DNAH11: variants seen among roughly 807,000 people sequenced by gnomAD.
The protein encoded by DNAH11 is dynein axonemal heavy chain 11.
A neutral mutation model predicts 526.0 loss-of-function variants in DNAH11; 442 were observed. The ratio of observed to expected loss-of-function variants is 0.84; its 90% CI spans 0.78 to 0.91. The LOEUF is 0.91. DNAH11 is among the 40% of genes least tolerant of loss of function. The pLI, the probability that DNAH11 is intolerant of heterozygous loss-of-function variation, is 0.00. For missense variants in DNAH11, 6,989 were observed against 5,448.7 expected (o/e 1.28, Z -8.90); for synonymous variants, 2,461 against 1,935.9 (o/e 1.27, Z -7.12).
intron 74 of DNAH11, among the ~76,000 whole-genome samples, chr7:21,876,645 C>G (rs1006756232): frequency 6.6e-6 from 1 of 152,242 alleles, no homozygotes; most frequent in Non-Finnish European, 1.5e-5. Flanking sequence ...CAATCTGGCT[C>G]TTTATAGTTC....
chr7:21,842,034 A>G (rs1056664410), intron 65 of DNAH11, among the ~76,000 whole-genome samples: 7 of 152,200 alleles, frequency 4.6e-5, no homozygotes, highest in Non-Finnish European at 1.0e-4. Flanking sequence ...TATGTAGCTC[A>G]CATTTATTTC....
intron 57 of DNAH11, among the ~76,000 whole-genome samples, chr7:21,779,975 T>G (rs992997440): frequency 3.9e-5 from 6 of 152,148 alleles, no homozygotes; most frequent in African/African-American, 1.4e-4. Context: ...CCTGAAAATA[T>G]TTGAGTTTTT....
rs151173148 is a variant in DNAH11, at chr7:21,560,008, T to C, written c.882+216T>C. Reference sequence around the variant, plus strand: ...AATATTTTGACAGCATTTGAGATGATTGGAAATATTGTGCTACCTTGGAAG... The same window carrying C: ...AATATTTTGACAGCATTTGAGATGACTGGAAATATTGTGCTACCTTGGAAG... On this transcript the variant is annotated intron_variant, in intron 4 of 81. Transcript: ENST00000409508. Among the ~76,000 whole-genome samples the C allele has an allele frequency of 6.3e-3, 959 of 152,294 alleles. 12 individuals carry two copies. The highest frequency in any genetic ancestry group is 9.5e-3 in the Non-Finnish European group (646 of 68,024).
At chr7:21,610,055 C>T (rs1223899375) in intron 20 of DNAH11, among the ~76,000 whole-genome samples, 1 of 151,906 alleles carries the variant, frequency 6.6e-6, no homozygotes, top group Non-Finnish European at 1.5e-5. Context: ...GAGATGGAGA[C>T]CATCCTGGCT....
chr7:21,836,731 A>G (rs900955749), intron 65 of DNAH11, among the ~76,000 whole-genome samples: 6 of 152,170 alleles, frequency 3.9e-5, no homozygotes, highest in Non-Finnish European at 7.4e-5. Flanking sequence ...GCAAAAGCAA[A>G]GATAGACAAA....
intron 15 of DNAH11, 50 bp downstream of exon 15, chr7:21,600,169 A>G (rs2128446734): frequency 1.4e-6 from 2 of 1,455,380 alleles, no homozygotes; most frequent in Admixed American, 2.3e-5. Flanking sequence ...TGATTCAAAA[A>G]CAAATTGTGG....
intron 21 of DNAH11, among the ~76,000 whole-genome samples, chr7:21,615,711 G>T (rs1298339012): frequency 1.3e-5 from 2 of 152,036 alleles, no homozygotes; most frequent in African/African-American, 4.8e-5. Flanking sequence ...AAGTGAAAAA[G>T]TAAGTTCTAG....
rs1343401746 is a variant in DNAH11, at chr7:21,635,950, A to G, written c.4580A>G (p.Asn1527Ser). Reference protein sequence around the residue: ...EQVLSWQNKLNIADLVIFTWM... With the variant: ...EQVLSWQNKLSIADLVIFTWM... ...GTGTTAAGCTGGCAAAATAAATTAAACATAGCAGACTTGGTCATCTTCACT... is the reference window on the plus strand; with the variant it reads ...GTGTTAAGCTGGCAAAATAAATTAAGCATAGCAGACTTGGTCATCTTCACT... Residue 1527 changes from asparagine (N) to serine (S), a missense_variant, in exon 26 of 82, where the codon AAC becomes AGC. Transcript: ENST00000409508. The G allele has an allele frequency of 2.5e-6, 4 of 1,613,510 alleles. No homozygotes were observed. The highest frequency in any genetic ancestry group is 2.2e-5 in the East Asian group (1 of 44,852).
intron 44 of DNAH11, among the ~76,000 whole-genome samples, chr7:21,721,565 C>A (rs1784875349): frequency 6.6e-6 from 1 of 152,204 alleles, no homozygotes; most frequent in African/African-American, 2.4e-5. Flanking sequence ...TCTCTTCCCA[C>A]CTTTCAGACC....
At chr7:21,801,825 T>C (rs1789008555) in intron 62 of DNAH11, among the ~76,000 whole-genome samples, 1 of 152,228 alleles carries the variant, frequency 6.6e-6, no homozygotes, top group Non-Finnish European at 1.5e-5. Flanking sequence ...TATGTTTTTG[T>C]TGTTACATCT....
Position 21,807,932 on chromosome 7 carries a change from G to C in DNAH11, c.10215G>C (p.Lys3405Asn). 6.2e-7 allele frequency: 1 copy of C among 1,609,384 alleles called. No homozygotes were observed. The highest frequency in any genetic ancestry group is 8.5e-7 in the Non-Finnish European group (1 of 1,176,690). The part of the protein sequence containing the change: ...QSIKSFEAQE[K>N]TLCGDVLLTA... Reference sequence around the variant, plus strand: ...TTAAGTCCTTTGAAGCTCAAGAGAAGACACTCTGTGGAGATGTTCTTCTCA... The same window carrying C: ...TTAAGTCCTTTGAAGCTCAAGAGAACACACTCTGTGGAGATGTTCTTCTCA... Residue 3405 changes from lysine (K) to asparagine (N), a missense_variant, in exon 63 of 82, where the codon AAG becomes AAC. Coordinates refer to ENST00000409508, the MANE Select transcript of DNAH11 (RefSeq NM_001277115.2).
At chr7:21,579,761 G>A (rs1437759404) in intron 8 of DNAH11, among the ~76,000 whole-genome samples, 1 of 152,210 alleles carries the variant, frequency 6.6e-6, no homozygotes, top group African/African-American at 2.4e-5. Flanking sequence ...AAATAAGAAA[G>A]TGACATGATA....
intron 28 of DNAH11, among the ~76,000 whole-genome samples, 183 bp from the exon 29 acceptor site, chr7:21,655,649 A>T (rs868659230): frequency 1.1e-4 from 16 of 152,128 alleles, no homozygotes; most frequent in Admixed American, 3.9e-4. Context: ...GTGACTGGCC[A>T]CTTCACCACC....
chr7:21,562,028 A>G (rs1783478602), intron 5 of DNAH11, among the ~76,000 whole-genome samples: 1 of 149,250 alleles, frequency 6.7e-6, no homozygotes, highest in African/African-American at 2.4e-5. Flanking sequence ...AAGGAGGAAT[A>G]TATACAGCAG....
At chr7:21,854,977 T>G (rs1235901090) in intron 68 of DNAH11, among the ~76,000 whole-genome samples, 1 of 151,840 alleles carries the variant, frequency 6.6e-6, no homozygotes, top group Non-Finnish European at 1.5e-5. Context: ...GTAATTAAAC[T>G]GTGCATACGG....
At chr7:21,570,000 A>G in intron 6 of DNAH11, 69 bp from the exon 7 acceptor site, 3 of 1,254,144 alleles carry the variant, frequency 2.4e-6, no homozygotes, top group East Asian at 2.6e-5. Flanking sequence ...ATTCTTTGAA[A>G]CAGAGACGGT....
At chr7:21,874,889 A>G (rs1276610589) in intron 74 of DNAH11, among the ~76,000 whole-genome samples, 2 of 152,094 alleles carry the variant, frequency 1.3e-5, no homozygotes, top group African/African-American at 4.8e-5. Context: ...AATGAACCCT[A>G]AAGAGGAAAT....
intron 65 of DNAH11, among the ~76,000 whole-genome samples, chr7:21,832,256 G>A (rs1444752820): frequency 2.0e-5 from 3 of 152,148 alleles, no homozygotes; most frequent in Non-Finnish European, 2.9e-5. Flanking sequence ...GTTAGTTGAT[G>A]CAGTTTCTTC....
Position 21,704,547 on chromosome 7 carries a change from G to A in DNAH11, c.6387G>A (p.Arg2129=), listed in dbSNP as rs1312853506. Residue 2129 remains arginine (R), a synonymous_variant, in exon 38 of 82, where the codon AGG becomes AGA. Coordinates refer to ENST00000409508, the MANE Select transcript of DNAH11 (RefSeq NM_001277115.2). ...TTCCAGCCCTGGATGTGCCCCGGAG[G>A]AGGAAGCTGCACTTTGAACAGATGG... ...DLFPALDVPR[R]RKLHFEQMVR... 31 of 1,613,730 alleles carry A rather than the reference G, an allele frequency of 1.9e-5. No individual in the cohort carries two copies. The highest frequency in any genetic ancestry group is 2.6e-5 in the Non-Finnish European group (31 of 1,179,838).
Sources: gnomAD v4.1 joint callset for allele counts (sites outside exome capture counted in the v4.1 genomes callset) on GRCh38, gnomAD v4.1.1 for gene constraint, MANE v1.5 for transcripts, NCBI Gene and HGNC (gene_info 2026-07-23, HGNC 2026-07-21) for gene names.